ITGB8: variants seen among roughly 807,000 people sequenced by gnomAD.
ITGB8 encodes the protein integrin beta-8.
Under a neutral mutation model 89.5 loss-of-function variants are expected in ITGB8, and 30 were observed. That is an observed-to-expected ratio of 0.34 (90% CI 0.25 to 0.45). The LOEUF (loss-of-function observed/expected upper bound fraction) is 0.45. Among genes scored for constraint, ITGB8 ranks in the 20% least tolerant of loss-of-function variants. The pLI is 1.00. For missense variants in ITGB8, 836 were observed against 933.3 expected (o/e 0.90, Z 1.36); for synonymous variants, 335 against 320.4 (o/e 1.05, Z -0.49).
Position 20,391,503 on chromosome 7 carries a change from G to A in ITGB8, c.1056+5G>A. ...AAACAATTTCATTGGTATAAGGTAT[G>A]TTAACTCTGAAAATGTTAAAATTAA... On this transcript the variant is annotated splice_donor_5th_base_variant and intron_variant, in intron 7 of 13. Coordinates refer to ENST00000222573, the MANE Select transcript of ITGB8 (RefSeq NM_002214.3). 1 of 1,446,964 alleles carries A rather than the reference G, an allele frequency of 6.9e-7. No individual in the cohort carries two copies. Among genetic ancestry groups the A allele is most frequent in the Non-Finnish European group, 9.5e-7 (1 of 1,057,518 alleles). The allele number at this position is 1,446,964 out of a possible 1,614,324, so 89.6% of individuals were successfully genotyped here.
upstream of ITGB8, among the ~76,000 whole-genome samples, chr7:20,330,367 G>C (rs187684062): frequency 1.6e-4 from 25 of 152,320 alleles, no homozygotes; most frequent in East Asian, 4.6e-3. Flanking sequence ...CAGCTGCGGG[G>C]CAGTGAGTAT....
intron 1 of ITGB8, among the ~76,000 whole-genome samples, chr7:20,340,840 G>C (rs574577910): frequency 6.6e-6 from 1 of 152,120 alleles, no homozygotes; most frequent in Non-Finnish European, 1.5e-5. Flanking sequence ...AATATTATGA[G>C]GTCAAACAAA....
At position 20,368,804 on chromosome 7, in the gene ITGB8, T is replaced by TA. The variant is rs567301089; in HGVS notation, c.388+1620dup. Among the ~76,000 whole-genome samples the TA allele has an allele frequency of 7.8e-3, 1,184 of 152,126 alleles. 21 individuals are homozygous for TA. The highest frequency in any genetic ancestry group is 0.027 in the African/African-American group (1,114 of 41,494). On this transcript the variant is annotated intron_variant, in intron 3 of 13. Transcript: ENST00000222573. ...CCCAACCATCTTTAATGATTTTTTT[T>TA]AATTTTACTGTTATCCTACTAGGTT...
Position 20,398,948 on chromosome 7 carries a change from G to C in ITGB8, c.1235G>C (p.Arg412Thr), listed in dbSNP as rs769911416. Residue 412 changes from arginine to threonine, a missense_variant, in exon 9 of 14, where the codon AGA becomes ACA. Coordinates refer to ENST00000222573, the MANE Select transcript of ITGB8 (RefSeq NM_002214.3). ...NITAICPDGS[R>T]KPGMEGCRNV... Reference sequence around the variant, plus strand: ...ACCGCCATCTGTCCAGATGGGTCCAGAAAGCCAGGCATGGAAGGATGCAGA... The same window carrying C: ...ACCGCCATCTGTCCAGATGGGTCCACAAAGCCAGGCATGGAAGGATGCAGA... 8 of 1,613,594 alleles carry C rather than the reference G, an allele frequency of 5.0e-6. No individual in the cohort carries two copies. Among genetic ancestry groups the C allele is most frequent in the Non-Finnish European group, 6.8e-6 (8 of 1,179,862 alleles).
intron 1 of ITGB8, among the ~76,000 whole-genome samples, chr7:20,342,866 C>G (rs1313991803): frequency 2.0e-5 from 3 of 152,166 alleles, no homozygotes; most frequent in African/African-American, 7.2e-5. Flanking sequence ...CAGAGCCTTC[C>G]AGGCCAGAAG....
intron 1 of ITGB8, 166 bp downstream of exon 1, chr7:20,332,099 C>A: frequency 7.3e-7 from 1 of 1,376,318 alleles, no homozygotes; most frequent in Non-Finnish European, 9.5e-7. Context: ...GCCTAGAGGC[C>A]AGGTGTCAAG....
intron 1 of ITGB8, among the ~76,000 whole-genome samples, chr7:20,355,008 G>A (rs1785242013): frequency 6.6e-6 from 1 of 152,170 alleles, no homozygotes; most frequent in Non-Finnish European, 1.5e-5. Context: ...CCCCACCCAT[G>A]CTCTTTTTAT....
At chr7:20,334,863 C>T (rs1430576082) in intron 1 of ITGB8, among the ~76,000 whole-genome samples, 2 of 152,180 alleles carry the variant, frequency 1.3e-5, no homozygotes, top group African/African-American at 4.8e-5. Context: ...TCTCTTGTTA[C>T]CAAATTATCT....
At chr7:20,376,218 T>G (rs977833014) in intron 3 of ITGB8, among the ~76,000 whole-genome samples, 1 of 152,204 alleles carries the variant, frequency 6.6e-6, no homozygotes, top group Non-Finnish European at 1.5e-5. Flanking sequence ...CACGTCCCCA[T>G]GCCAACTAGA....
intron 4 of ITGB8, 147 bp downstream of exon 4, chr7:20,379,444 C>A: frequency 5.2e-6 from 2 of 385,814 alleles, no homozygotes. Flanking sequence ...GAGGTTTCTT[C>A]ATATCTGAAA....
intron 1 of ITGB8, among the ~76,000 whole-genome samples, chr7:20,354,677 T>G (rs897785859): frequency 6.6e-6 from 1 of 152,166 alleles, no homozygotes; most frequent in Non-Finnish European, 1.5e-5. Flanking sequence ...GTCTGGACAT[T>G]ACAGCCATGT....
intron 7 of ITGB8, among the ~76,000 whole-genome samples, chr7:20,392,536 A>T (rs1054649455): frequency 6.6e-6 from 1 of 152,136 alleles, no homozygotes; most frequent in African/African-American, 2.4e-5. Context: ...TTATTTATTT[A>T]GGGTAAATGT....
In ITGB8 at chr7:20,335,626, A is replaced by G. The variant is rs149391872; in HGVS notation, c.127+3693A>G. ...CTCCTATTTTTTCTCTCCTTTTGCTATAAGTCCTTGAAAGAGTTGTCCGTA... is the reference window on the plus strand; with the variant it reads ...CTCCTATTTTTTCTCTCCTTTTGCTGTAAGTCCTTGAAAGAGTTGTCCGTA... On this transcript the variant is annotated intron_variant, in intron 1 of 13. Coordinates refer to ENST00000222573, the MANE Select transcript of ITGB8 (RefSeq NM_002214.3). Among the ~76,000 whole-genome samples, 366 of 152,288 alleles carry G rather than the reference A, an allele frequency of 2.4e-3. 1 individual carries two copies. The highest frequency in any genetic ancestry group is 8.4e-3 in the African/African-American group (348 of 41,554).
At chr7:20,408,033 G>T (rs1787613687) in intron 12 of ITGB8, among the ~76,000 whole-genome samples, 1 of 152,206 alleles carries the variant, frequency 6.6e-6, no homozygotes, top group Admixed American at 6.5e-5. Context: ...TATCCACTCA[G>T]TTGCACTTAA....
At chr7:20,395,109 G>A in intron 8 of ITGB8, 124 bp downstream of exon 8, 1 of 603,102 alleles carries the variant, frequency 1.7e-6, no homozygotes, top group African/African-American at 1.8e-5. Context: ...TAGGAATTAG[G>A]AATCTGAAGT....
chr7:20,400,968 G>T (rs1327474063), intron 9 of ITGB8, among the ~76,000 whole-genome samples: 4 of 151,842 alleles, frequency 2.6e-5, no homozygotes, highest in Admixed American at 1.3e-4. Context: ...TCAGGGTTTT[G>T]ATTTTTATTT....
At chr7:20,377,397 A>C (rs1227070333) in intron 3 of ITGB8, 1 of 152,164 alleles carries the variant, frequency 6.6e-6, no homozygotes, top group Non-Finnish European at 1.5e-5. Flanking sequence ...TTTTTGTCTG[A>C]GTGAAAAACA....
chr7:20,348,694 G>A (rs940939738), intron 1 of ITGB8, among the ~76,000 whole-genome samples: 7 of 152,126 alleles, frequency 4.6e-5, no homozygotes, highest in East Asian at 1.9e-4. Context: ...AAATTTAGCC[G>A]TTTCTGGTGC....
chr7:20,356,046 C>G (rs1785282896), intron 1 of ITGB8, among the ~76,000 whole-genome samples: 1 of 152,178 alleles, frequency 6.6e-6, no homozygotes. Context: ...TCTACTACTT[C>G]AGAACCTCCC....
Sources: gnomAD v4.1 joint callset for allele counts (sites outside exome capture counted in the v4.1 genomes callset) on GRCh38, gnomAD v4.1.1 for gene constraint, MANE v1.5 for transcripts, NCBI Gene and HGNC (gene_info 2026-07-23, HGNC 2026-07-21) for gene names.